Variants in TACR1 observed in about 807,000 individuals in gnomAD.
The protein encoded by TACR1 is substance-P receptor.
Under a neutral mutation model 35.8 loss-of-function variants are expected in TACR1, and 25 were observed. The observed-to-expected ratio is 0.70, with a 90% CI of 0.51 to 0.98. The LOEUF (loss-of-function observed/expected upper bound fraction) is 0.98, where lower values mean the gene tolerates loss of function less well. Among genes scored for constraint, TACR1 ranks in the 50% least tolerant of loss-of-function variants. TACR1 has a pLI of 0.00. For missense variants in TACR1, 478 were observed against 522.9 expected (o/e 0.91, Z 0.84); for synonymous variants, 195 against 206.7 (o/e 0.94, Z 0.48).
intron 2 of TACR1, among the ~76,000 whole-genome samples, chr2:75,083,746 A>C (rs1673137218): frequency 6.6e-6 from 1 of 152,166 alleles, no homozygotes; most frequent in South Asian, 2.1e-4. Context: ...TTGGTGTATA[A>C]GAATGCTTGT....
intron 2 of TACR1, among the ~76,000 whole-genome samples, chr2:75,088,713 G>A (rs115676714): frequency 2.0e-5 from 3 of 152,124 alleles, no homozygotes; most frequent in Non-Finnish European, 4.4e-5. Context: ...CAATCACCAT[G>A]TGTGGGGTGA....
At chr2:75,076,445 G>C (rs2103824516) in intron 2 of TACR1, among the ~76,000 whole-genome samples, 1 of 152,308 alleles carries the variant, frequency 6.6e-6, no homozygotes, top group African/African-American at 2.4e-5. Context: ...CCAGCTTCTT[G>C]GAGCTACATG....
chr2:75,192,588 C>T (rs3771863), intron 1 of TACR1, among the ~76,000 whole-genome samples: 45,710 of 152,030 alleles, frequency 0.3, 9,618 homozygotes, highest in African/African-American at 0.6. Flanking sequence ...AGGACTCTTA[C>T]ATTGCTTTTC....
At chr2:75,184,867 A>G (rs2104061215) in intron 1 of TACR1, among the ~76,000 whole-genome samples, 1 of 152,000 alleles carries the variant, frequency 6.6e-6, no homozygotes, top group South Asian at 2.1e-4. Context: ...TCGACTACAT[A>G]GACTATGCAT....
rs145373104 is a variant in TACR1, at chr2:75,152,007, G to A, written c.390-31239C>T. Among the ~76,000 whole-genome samples the A allele has an allele frequency of 6.6e-3, 1,010 of 152,220 alleles. 4 individuals carry two copies. The highest frequency in any genetic ancestry group is 0.011 in the Non-Finnish European group (759 of 68,002). ...TGTATTGTTTTGGCCAATTTCTCCC[G>A]TTTGGAATGGCTGTATTTACCCAAT... On this transcript the variant is annotated intron_variant, in intron 1 of 4. Transcript: ENST00000305249.
intron 1 of TACR1, among the ~76,000 whole-genome samples, chr2:75,179,807 G>A (rs1572984138): frequency 1.3e-5 from 2 of 152,182 alleles, no homozygotes; most frequent in African/African-American, 2.4e-5. Flanking sequence ...ATATTTTCAG[G>A]GAGGTTCTCA....
intron 2 of TACR1, among the ~76,000 whole-genome samples, chr2:75,100,694 C>G (rs191674337): frequency 6.6e-6 from 1 of 152,112 alleles, no homozygotes; most frequent in South Asian, 2.1e-4. Flanking sequence ...TAGCATAGTA[C>G]GTACTATAAA....
chr2:75,189,383 A>G (rs1201513729), intron 1 of TACR1: 2 of 152,210 alleles, frequency 1.3e-5, no homozygotes, highest in African/African-American at 4.8e-5. Context: ...TTGTAACTCT[A>G]AGAAGGCATT....
In TACR1 at chr2:75,052,948, A is replaced by G. The variant is rs149266215; in HGVS notation, c.735+657T>C. Reference sequence around the variant, plus strand: ...GGTAGTCTTCACCTAGCCTCCTCCAATGATATCATCTTACATAACCATACC... The same window carrying G: ...GGTAGTCTTCACCTAGCCTCCTCCAGTGATATCATCTTACATAACCATACC... On this transcript the variant is annotated intron_variant, in intron 3 of 4. Transcript: ENST00000305249. Among the ~76,000 whole-genome samples the G allele has an allele frequency of 5.4e-3, 824 of 152,282 alleles. 8 individuals are homozygous for G. The highest frequency in any genetic ancestry group is 0.019 in the African/African-American group (788 of 41,568).
Position 75,198,564 on chromosome 2 carries a change from G to T in TACR1, c.371C>A (p.Thr124Lys), listed in dbSNP as rs138993766. ...AAVFASIYSM[T>K]AVAFDRYMAI... ...ATCTCACCTATCAAAGGCCACAGCC[G>T]TCATGGAGTAGATACTGGCGAAGAC... The change falls in exon 1 of 5, where the codon ACG becomes AAG. Residue 124 changes from threonine to lysine, a missense_variant. By Grantham distance (78) the Thr-to-Lys change is moderately conservative (BLOSUM62 -1). Coordinates refer to ENST00000305249, the MANE Select transcript of TACR1 (RefSeq NM_001058.4). 3 of 1,613,470 alleles carry T rather than the reference G, an allele frequency of 1.9e-6. No individual in the cohort carries two copies. Among genetic ancestry groups the T allele is most frequent in the Admixed American group, 1.7e-5 (1 of 60,028 alleles).
rs139760126 is a variant in TACR1, at chr2:75,091,717, C to T, written c.584+28857G>A. On this transcript the variant is annotated intron_variant, in intron 2 of 4. Transcript: ENST00000305249. ...GACCTAGGCACAACAAATGACCTGACGTGAACTCTAGAAGTGGGTTCCAAA... is the reference window on the plus strand; with the variant it reads ...GACCTAGGCACAACAAATGACCTGATGTGAACTCTAGAAGTGGGTTCCAAA... Among the ~76,000 whole-genome samples the T allele has an allele frequency of 1.6e-4, 25 of 152,248 alleles. No homozygotes were observed. The South Asian group carries it at 1.9e-3, about 11-fold the overall frequency.
chr2:75,087,650 C>T (rs1350043641), intron 2 of TACR1, among the ~76,000 whole-genome samples: 1 of 152,224 alleles, frequency 6.6e-6, no homozygotes, highest in Non-Finnish European at 1.5e-5. Flanking sequence ...TGTATCTCCA[C>T]ATTGTCAGTG....
intron 1 of TACR1, among the ~76,000 whole-genome samples, chr2:75,182,338 C>T (rs1200849807): frequency 2.0e-5 from 3 of 152,150 alleles, no homozygotes; most frequent in Non-Finnish European, 2.9e-5. Flanking sequence ...TAGTAGGGGA[C>T]TGCAAAGGGC....
intron 1 of TACR1, among the ~76,000 whole-genome samples, chr2:75,164,372 A>T (rs1391763484): frequency 1.3e-5 from 2 of 151,984 alleles, no homozygotes; most frequent in African/African-American, 4.8e-5. Flanking sequence ...TTTATATTGT[A>T]CAAAATAAAA....
chr2:75,158,498 G>GCT (rs1317208772), intron 1 of TACR1, among the ~76,000 whole-genome samples: 1 of 152,182 alleles, frequency 6.6e-6, no homozygotes, highest in Non-Finnish European at 1.5e-5. Flanking sequence ...GGGGAAGAGT[G>GCT]CTCTATCGCA....
At chr2:75,156,124 G>C (rs1674845736) in intron 1 of TACR1, 1 of 152,190 alleles carries the variant, frequency 6.6e-6, no homozygotes, top group African/African-American at 2.4e-5. Context: ...GAGTTGAATA[G>C]TGTGACAAAT....
chr2:75,185,610 A>G (rs1675674174), intron 1 of TACR1, among the ~76,000 whole-genome samples: 1 of 152,228 alleles, frequency 6.6e-6, no homozygotes, highest in African/African-American at 2.4e-5. Flanking sequence ...ACTCACTAGT[A>G]AGAAGTGCAA....
chr2:75,139,956 G>T (rs1422627636), intron 1 of TACR1, among the ~76,000 whole-genome samples: 1 of 152,138 alleles, frequency 6.6e-6, no homozygotes, highest in Non-Finnish European at 1.5e-5. Flanking sequence ...GCACATCCAG[G>T]TTGTTAACGG....
chr2:75,192,589 A>G (rs1558588779), intron 1 of TACR1, among the ~76,000 whole-genome samples: 1 of 152,198 alleles, frequency 6.6e-6, no homozygotes, highest in Non-Finnish European at 1.5e-5. Flanking sequence ...GGACTCTTAC[A>G]TTGCTTTTCT....
Sources: allele counts gnomAD v4.1 joint callset (sites outside exome capture counted in the v4.1 genomes callset), GRCh38; gene constraint gnomAD v4.1.1; transcripts MANE v1.5; gene names NCBI Gene and HGNC (gene_info 2026-07-23, HGNC 2026-07-21).